The following ANTXR1 variants were observed in gnomAD, a reference collection of about 807,000 sequenced individuals.
The protein encoded by ANTXR1 is anthrax toxin receptor 1.
ANTXR1 carries 19 observed loss-of-function variants against 78.1 expected under a neutral mutation model. That is an observed-to-expected ratio of 0.24 (90% CI 0.17 to 0.36). The LOEUF is 0.36. Ranked by LOEUF, ANTXR1 falls within the 10% of genes least tolerant of loss-of-function variation. The pLI, the probability that ANTXR1 is intolerant of heterozygous loss-of-function variation, is 1.00. For synonymous variants in ANTXR1, 273 were observed against 260.5 expected (o/e 1.05, Z -0.46); for missense variants, 518 against 718.6 (o/e 0.72, Z 3.19).
In ANTXR1 at chr2:69,182,567, G is replaced by A. The variant is rs1327408067; in HGVS notation, c.1260G>A (p.Met420Ile). Residue 420 changes from methionine (M) to isoleucine (I), a missense_variant, in exon 16 of 18, where the codon ATG becomes ATA. Coordinates refer to ENST00000303714, the MANE Select transcript of ANTXR1 (RefSeq NM_032208.3). ...AGGCAAAGAATGCAAGAGTCAAGAT[G>A]CCGGAGCAGGAATATGAATTCCCTG... ...LEKAKNARVK[M>I]PEQEYEFPEP... 1.9e-6 allele frequency: 3 copies of A among 1,614,206 alleles called. No homozygotes were observed. The highest frequency in any genetic ancestry group is 2.5e-6 in the Non-Finnish European group (3 of 1,180,048).
chr2:69,176,773 C>T (rs1674134523), intron 14 of ANTXR1, among the ~76,000 whole-genome samples: 2 of 152,142 alleles, frequency 1.3e-5, no homozygotes, highest in Non-Finnish European at 2.9e-5. Context: ...AATTTAAAAG[C>T]TGATTTAAAG....
Position 69,071,421 on chromosome 2 carries a change from G to A in ANTXR1, c.379-333G>A, listed in dbSNP as rs545618835. On this transcript the variant is annotated intron_variant, in intron 4 of 17. Coordinates refer to ENST00000303714, the MANE Select transcript of ANTXR1 (RefSeq NM_032208.3). Reference sequence around the variant, plus strand: ...ATATTTGTTTCTAAACATAGAAATGGTAATGCATTGAACTACAGTGTTACC... The same window carrying A: ...ATATTTGTTTCTAAACATAGAAATGATAATGCATTGAACTACAGTGTTACC... 3.9e-5 allele frequency among the ~76,000 whole-genome samples: 6 copies of A among 152,316 alleles called. No individual in the cohort carries two copies. In the East Asian group the frequency reaches 1.2e-3, roughly 29 times the overall value.
At chr2:69,076,226 C>T (rs372727852) in intron 7 of ANTXR1, among the ~76,000 whole-genome samples, 2 of 152,184 alleles carry the variant, frequency 1.3e-5, no homozygotes, top group South Asian at 2.1e-4. Context: ...ATCCTCCCAA[C>T]ATGGCCTCCT....
intron 16 of ANTXR1, among the ~76,000 whole-genome samples, chr2:69,188,931 A>C (rs140591061): frequency 6.6e-6 from 1 of 152,368 alleles, no homozygotes; most frequent in African/African-American, 2.4e-5. Context: ...ACTTCTGCCT[A>C]CATTCAGAAA....
intron 11 of ANTXR1, among the ~76,000 whole-genome samples, chr2:69,123,995 T>C (rs1036903126): frequency 3.3e-5 from 5 of 152,204 alleles, no homozygotes; most frequent in African/African-American, 1.2e-4. Context: ...TTTCACAAAT[T>C]AGCTCAGTGT....
intron 14 of ANTXR1, among the ~76,000 whole-genome samples, chr2:69,179,967 CAAGT>C (rs376588319): frequency 2.0e-5 from 3 of 152,146 alleles, no homozygotes; most frequent in African/African-American, 7.2e-5. Context: ...AGCGAGCAAC[CAAGT>C]AAGAGAGAGA....
intron 10 of ANTXR1, among the ~76,000 whole-genome samples, chr2:69,111,544 A>C (rs1294439531): frequency 2.0e-5 from 3 of 152,236 alleles, no homozygotes; most frequent in African/African-American, 7.2e-5. Context: ...CAGATTCATT[A>C]TATTATAGGC....
chr2:69,193,470 C>A, intron 17 of ANTXR1, 55 bp downstream of exon 17: 1 of 1,215,390 alleles, frequency 8.2e-7, no homozygotes, highest in Non-Finnish European at 1.2e-6. Context: ...CACATACACA[C>A]ACACACACAC....
chr2:69,241,626 C>T (rs572319001), intron 17 of ANTXR1, among the ~76,000 whole-genome samples: 1 of 152,164 alleles, frequency 6.6e-6, no homozygotes, highest in East Asian at 1.9e-4. Context: ...TTGTTTTTCC[C>T]TACAATTTTG....
chr2:69,126,714 A>G (rs1672552771), intron 12 of ANTXR1, among the ~76,000 whole-genome samples: 1 of 152,138 alleles, frequency 6.6e-6, no homozygotes, highest in African/African-American at 2.4e-5. Flanking sequence ...ACTTTAAATC[A>G]TGGGCCTCTA....
chr2:69,066,731 T>C (rs999263725), intron 3 of ANTXR1, among the ~76,000 whole-genome samples: 1 of 152,202 alleles, frequency 6.6e-6, no homozygotes, highest in African/African-American at 2.4e-5. Flanking sequence ...CAAACTGGAA[T>C]CATTCATTTG....
chr2:69,182,447 G>A, intron 15 of ANTXR1, 46 bp from the exon 16 acceptor site: 2 of 1,605,336 alleles, frequency 1.2e-6, no homozygotes, highest in Non-Finnish European at 1.7e-6. Context: ...TTCTCGAGGG[G>A]CAGCATATTT....
At chr2:69,089,049 A>T (rs1461039819) in intron 8 of ANTXR1, among the ~76,000 whole-genome samples, 1 of 152,216 alleles carries the variant, frequency 6.6e-6, no homozygotes, top group Admixed American at 6.5e-5. Flanking sequence ...GGTAAGCCAG[A>T]GGCTGAGGAA....
intron 3 of ANTXR1, among the ~76,000 whole-genome samples, chr2:69,059,207 A>C (rs973227028): frequency 2.0e-5 from 3 of 152,338 alleles, no homozygotes; most frequent in South Asian, 2.1e-4. Flanking sequence ...TTTTGAAAGA[A>C]GTTCTATGGT....
chr2:69,088,534 G>A (rs2104275199), intron 8 of ANTXR1, among the ~76,000 whole-genome samples: 1 of 152,208 alleles, frequency 6.6e-6, no homozygotes, highest in African/African-American at 2.4e-5. Flanking sequence ...ACTTGTGCCT[G>A]AGGACAAGTC....
chr2:69,028,773 G>T (rs1226213553), intron 1 of ANTXR1, among the ~76,000 whole-genome samples: 1 of 151,918 alleles, frequency 6.6e-6, no homozygotes, highest in East Asian at 1.9e-4. Flanking sequence ...GAAGCTTTGG[G>T]GGAAAAAAAT....
chr2:69,084,591 GTT>G (rs10708895), intron 8 of ANTXR1, among the ~76,000 whole-genome samples: 22,187 of 109,286 alleles, frequency 0.2, 2,076 homozygotes, highest in East Asian at 0.42. Context: ...TATTTGTAAA[GTT>G]TTTTTTTTTT....
chr2:69,233,774 G>A (rs1675683931), intron 17 of ANTXR1, among the ~76,000 whole-genome samples: 1 of 151,572 alleles, frequency 6.6e-6, no homozygotes, highest in Non-Finnish European at 1.5e-5. Context: ...TCTAATCAAT[G>A]CAATAAAACA....
intron 6 of ANTXR1, among the ~76,000 whole-genome samples, chr2:69,073,522 A>T (rs1381553150): frequency 6.6e-6 from 1 of 152,236 alleles, no homozygotes; most frequent in Admixed American, 6.5e-5. Flanking sequence ...AGAATGTATC[A>T]ATCACTGAGA....
Sources: allele counts gnomAD v4.1 joint callset (sites outside exome capture counted in the v4.1 genomes callset), GRCh38; gene constraint gnomAD v4.1.1; transcripts MANE v1.5; gene names NCBI Gene and HGNC (gene_info 2026-07-23, HGNC 2026-07-21).